POC1B: variants seen among roughly 807,000 people sequenced by gnomAD.
The protein encoded by POC1B is POC1 centriolar protein B, also known as POC1 centriolar protein homolog B.
POC1B carries 44 observed loss-of-function variants against 60.6 expected under a neutral mutation model. That is an observed-to-expected ratio of 0.73 (90% confidence interval 0.57 to 0.93). POC1B has a LOEUF of 0.93. Among genes scored for constraint, POC1B ranks in the 40% least tolerant of loss-of-function variants. The pLI is 0.00. For missense variants in POC1B, 555 were observed against 572.3 expected, an observed-to-expected ratio of 0.97 and a Z score of 0.31; for synonymous variants, 180 against 198.9, an observed-to-expected ratio of 0.90 and a Z score of 0.80.
chr12:89,459,978 C>A, intron 9 of POC1B: 6 of 445,830 alleles, frequency 1.3e-5, no homozygotes, highest in East Asian at 5.1e-5. Context: ...TGTAATTTAC[C>A]TAAAAAGGAA....
At chr12:89,524,111 C>T (rs1169707313) in intron 2 of POC1B, 3 of 1,613,986 alleles carry the variant, frequency 1.9e-6, no homozygotes. Flanking sequence ...GTCGACCAGG[C>T]TTCGTTATAG....
intron 3 of POC1B, among the ~76,000 whole-genome samples, chr12:89,492,888 C>T (rs1274887711): frequency 6.6e-6 from 1 of 152,016 alleles, no homozygotes; most frequent in Non-Finnish European, 1.5e-5. Context: ...CATCCTTCAC[C>T]TAGGTTACTG....
chr12:89,425,548 A>T (rs1880727449), intron 10 of POC1B, 169 bp from the exon 11 acceptor site: 2 of 500,880 alleles, frequency 4.0e-6, no homozygotes, highest in Non-Finnish European at 6.8e-6. Flanking sequence ...GAATTATTAT[A>T]ATTCTTATAA....
Position 89,525,882 on chromosome 12 carries a change from G to T in POC1B, c.14C>A (p.Thr5Lys), listed in dbSNP as rs202178815. The T allele has an allele frequency of 6.4e-5, 93 of 1,457,620 alleles. 1 individual carries two copies. Among genetic ancestry groups the T allele is most frequent in the Non-Finnish European group, 7.8e-5 (86 of 1,099,116 alleles). The allele number at this position is 1,457,620 out of a possible 1,614,324, so 90.3% of individuals were successfully genotyped here. The change falls in exon 1 of 12, where the codon ACG (threonine) becomes AAG (lysine). Residue 5 changes from threonine to lysine, a missense_variant and splice_region_variant. By Grantham distance (78) the Thr-to-Lys change is moderately conservative (BLOSUM62 -1). Coordinates refer to ENST00000313546, the MANE Select transcript of POC1B (RefSeq NM_172240.3). ...CCCCCACCTCCAACCCGTCCTTACC[G>T]TGGCTGAGGCCATCGGGGGAGTGGT... The part of the protein sequence containing the change: MASA[T>K]EDPVLERYFK...
At chr12:89,449,186 G>A (rs1881929717) in intron 10 of POC1B, among the ~76,000 whole-genome samples, 1 of 152,158 alleles carries the variant, frequency 6.6e-6, no homozygotes. Flanking sequence ...TTGTTTAATC[G>A]GAGCCTTGCT....
chr12:89,506,669 T>C (rs1157223716), intron 2 of POC1B, among the ~76,000 whole-genome samples: 1 of 152,166 alleles, frequency 6.6e-6, no homozygotes, highest in African/African-American at 2.4e-5. Flanking sequence ...GTGCAAAACG[T>C]AAATGTGAAG....
intron 10 of POC1B, among the ~76,000 whole-genome samples, chr12:89,440,868 AG>A (rs1881482754): frequency 6.6e-6 from 1 of 152,242 alleles, no homozygotes; most frequent in Non-Finnish European, 1.5e-5. Flanking sequence ...TTCCTAGCCA[AG>A]GGAAGCCATG....
chr12:89,503,286 TG>T (rs1375626728), intron 2 of POC1B, among the ~76,000 whole-genome samples: 1 of 152,230 alleles, frequency 6.6e-6, no homozygotes, highest in Admixed American at 6.5e-5. Context: ...GACTGGTTTT[TG>T]TATTTTTTTG....
At chr12:89,431,302 G>T (rs1340822723) in intron 10 of POC1B, among the ~76,000 whole-genome samples, 5 of 152,158 alleles carry the variant, frequency 3.3e-5, no homozygotes, top group Non-Finnish European at 7.4e-5. Flanking sequence ...ATTATTGAAG[G>T]TTCTAAAATA....
chr12:89,412,164 C>T, the POC1B span, among the ~76,000 whole-genome samples: 1 of 152,178 alleles, frequency 6.6e-6, no homozygotes, highest in African/African-American at 2.4e-5. Flanking sequence ...TCCTTGTCCA[C>T]AACCTTGGAC....
intron 2 of POC1B, chr12:89,523,136 G>C (rs1336968861): frequency 6.2e-7 from 1 of 1,613,810 alleles, no homozygotes; most frequent in Non-Finnish European, 8.5e-7. Context: ...AACAGTGAAA[G>C]GTTAGCACCT....
chr12:89,499,567 G>T (rs942851125), intron 2 of POC1B, among the ~76,000 whole-genome samples: 2 of 151,924 alleles, frequency 1.3e-5, no homozygotes, highest in South Asian at 4.3e-4. Context: ...TTGAGCAGGG[G>T]CAATCTCATG....
chr12:89,514,008 C>A (rs930740065), intron 2 of POC1B, among the ~76,000 whole-genome samples: 1 of 152,168 alleles, frequency 6.6e-6, no homozygotes, highest in Non-Finnish European at 1.5e-5. Flanking sequence ...ATCCTCTTCC[C>A]TCTCATCACC....
intron 2 of POC1B, chr12:89,501,147 A>G: frequency 1.4e-6 from 2 of 1,399,638 alleles, no homozygotes; most frequent in Non-Finnish European, 2.0e-6. Context: ...AGTCAAGAGA[A>G]AAGCATCATA....
chr12:89,448,491 C>T (rs1364160088), intron 10 of POC1B, among the ~76,000 whole-genome samples: 1 of 152,236 alleles, frequency 6.6e-6, no homozygotes, highest in Non-Finnish European at 1.5e-5. Flanking sequence ...GTTCCTACTG[C>T]TGAGAATATC....
chr12:89,476,701 G>A (rs1213346710), intron 4 of POC1B, among the ~76,000 whole-genome samples: 4 of 23,846 alleles, frequency 1.7e-4, no homozygotes, highest in Non-Finnish European at 3.3e-4. Flanking sequence ...TGTCTCAATA[G>A]ATAGATAGAT....
At chr12:89,518,320 A>T (rs2135767878) in intron 2 of POC1B, among the ~76,000 whole-genome samples, 1 of 152,328 alleles carries the variant, frequency 6.6e-6, no homozygotes, top group African/African-American at 2.4e-5. Context: ...TGATTCATTC[A>T]TATATATGTG....
chr12:89,449,661 A>G (rs1412560786), intron 10 of POC1B, among the ~76,000 whole-genome samples: 1 of 152,198 alleles, frequency 6.6e-6, no homozygotes, highest in Non-Finnish European at 1.5e-5. Flanking sequence ...AAACAGAATA[A>G]TTTTAAAATT....
intron 4 of POC1B, among the ~76,000 whole-genome samples, chr12:89,473,051 A>G (rs1039494498): frequency 1.3e-5 from 2 of 152,330 alleles, no homozygotes; most frequent in South Asian, 4.1e-4. Flanking sequence ...GAGAAAATAA[A>G]AACAAATTTT....
Sources: allele counts gnomAD v4.1 joint callset (sites outside exome capture counted in the v4.1 genomes callset), GRCh38; gene constraint gnomAD v4.1.1; transcripts MANE v1.5; gene names NCBI Gene and HGNC (gene_info 2026-07-23, HGNC 2026-07-21).